The following PARG variants were observed in gnomAD, a reference collection of about 807,000 sequenced individuals.
PARG encodes the protein poly(ADP-ribose) glycohydrolase, also known as mitochondrial poly(ADP-ribose) glycohydrolase.
PARG carries 35 observed loss-of-function variants against 113.0 expected under a neutral mutation model. That is an observed-to-expected ratio of 0.31 (90% CI 0.24 to 0.41). The LOEUF (loss-of-function observed/expected upper bound fraction) is 0.41, where lower values mean the gene tolerates loss of function less well. Ranked by LOEUF, PARG falls within the 10% of genes least tolerant of loss-of-function variation. PARG has a pLI of 1.00. For missense variants in PARG, 797 were observed against 1,169.4 expected (o/e 0.68, Z 4.64); for synonymous variants, 330 against 409.9 (o/e 0.81, Z 2.36).
chr10:49,850,606 G>A (rs1334650123), intron 13 of PARG, among the ~76,000 whole-genome samples: 4 of 152,192 alleles, frequency 2.6e-5, no homozygotes, highest in African/African-American at 9.7e-5. Context: ...CGGTAGACAA[G>A]CCTCGTTTTT....
chr10:49,920,451 T>TAAAAAAAAAAAAAAAAAA (rs781928566), intron 6 of PARG, among the ~76,000 whole-genome samples: 2 of 39,892 alleles, frequency 5.0e-5, no homozygotes, highest in Non-Finnish European at 8.8e-5. Context: ...AGCCTCAAAT[T>TAAAAAAAAAAAAAAAAAA]AAAAAAAAAA....
chr10:49,889,329 T>C (rs2664499), intron 7 of PARG, among the ~76,000 whole-genome samples: 1 of 152,334 alleles, frequency 6.6e-6, no homozygotes, highest in South Asian at 2.1e-4. Flanking sequence ...CAGAGCAGGC[T>C]TTCTGTGATA....
intron 15 of PARG, among the ~76,000 whole-genome samples, chr10:49,840,653 A>T (rs569756439): frequency 6.8e-4 from 103 of 152,342 alleles, no homozygotes; most frequent in African/African-American, 2.4e-3. Flanking sequence ...AAAATAATTT[A>T]AAAAATTATA....
intron 13 of PARG, among the ~76,000 whole-genome samples, chr10:49,852,404 T>C (rs531996533): frequency 7.3e-5 from 11 of 151,514 alleles, no homozygotes; most frequent in African/African-American, 2.4e-4. Context: ...TAAAAGGAGA[T>C]TAGAATCCTT....
At chr10:49,880,634 C>G (rs1847168295) in intron 8 of PARG, among the ~76,000 whole-genome samples, 1 of 152,082 alleles carries the variant, frequency 6.6e-6, no homozygotes. Flanking sequence ...TGAATGAACC[C>G]CTCCTCTCGA....
intron 7 of PARG, among the ~76,000 whole-genome samples, chr10:49,885,698 G>A (rs1221166647): frequency 6.6e-6 from 1 of 152,152 alleles, no homozygotes; most frequent in Non-Finnish European, 1.5e-5. Flanking sequence ...GACCCATCTA[G>A]TTTCAATGGT....
chr10:49,864,971 C>T (rs1342612900), intron 11 of PARG, among the ~76,000 whole-genome samples: 2 of 146,552 alleles, frequency 1.4e-5, no homozygotes, highest in African/African-American at 5.0e-5. Flanking sequence ...AAAGTTCAAA[C>T]ACTAACCAAA....
At chr10:49,897,622 T>G (rs1204371576) in intron 7 of PARG, among the ~76,000 whole-genome samples, 3 of 152,242 alleles carry the variant, frequency 2.0e-5, no homozygotes, top group Admixed American at 1.3e-4. Flanking sequence ...AAACATTGCA[T>G]TTTATCTTCA....
chr10:49,886,584 AT>A (rs1315441582), intron 7 of PARG, among the ~76,000 whole-genome samples: 1 of 152,256 alleles, frequency 6.6e-6, no homozygotes, highest in African/African-American at 2.4e-5. Context: ...ACAAAAGACA[AT>A]TATTAATTCT....
At chr10:49,929,751 G>A (rs1264949818) in intron 4 of PARG, among the ~76,000 whole-genome samples, 1 of 151,622 alleles carries the variant, frequency 6.6e-6, no homozygotes, top group Non-Finnish European at 1.5e-5. Context: ...GCTTGAACCC[G>A]GGAGGTGGAA....
intron 7 of PARG, among the ~76,000 whole-genome samples, chr10:49,898,022 G>C (rs1395082740): frequency 1.3e-5 from 2 of 151,902 alleles, no homozygotes; most frequent in African/African-American, 4.8e-5. Context: ...AAAGACATTG[G>C]GACTAGATGC....
At chr10:49,908,227 C>T (rs544009589) in intron 7 of PARG, among the ~76,000 whole-genome samples, 1 of 152,242 alleles carries the variant, frequency 6.6e-6, no homozygotes, top group South Asian at 2.1e-4. Flanking sequence ...GTAATCTGTC[C>T]TTTGGGATAT....
chr10:49,819,393 C>T lies in PARG; in HGVS notation c.2878G>A (p.Val960Ile), dbSNP rs536338132. The T allele has an allele frequency of 1.7e-5, 27 of 1,551,598 alleles. No individual in the cohort carries two copies. In the East Asian group the frequency reaches 4.9e-4, roughly 28 times the overall value. ...TCAGCGGTCTCTGCACAGGACTCGACAGCATGGTATATGAATGGATAAAGC... is the reference window on the plus strand; with the variant it reads ...TCAGCGGTCTCTGCACAGGACTCGATAGCATGGTATATGAATGGATAAAGC... Reference protein sequence around the residue: ...IKLYPFIYHAVESCAETADHS... With the variant: ...IKLYPFIYHAIESCAETADHS... Residue 960 changes from valine to isoleucine, a missense_variant, in exon 18 of 18, where the codon GTC becomes ATC. By Grantham distance (29) the Val-to-Ile change is conservative (BLOSUM62 3). Transcript: ENST00000616448.
chr10:49,926,002 G>A (rs1484921448), intron 4 of PARG, among the ~76,000 whole-genome samples: 9 of 152,186 alleles, frequency 5.9e-5, no homozygotes, highest in East Asian at 1.9e-4. Flanking sequence ...GGGTCGGGTC[G>A]TACAATCTAA....
chr10:49,881,144 C>A (rs1383503578), intron 8 of PARG, among the ~76,000 whole-genome samples: 7 of 152,114 alleles, frequency 4.6e-5, no homozygotes, highest in African/African-American at 7.2e-5. Context: ...AATAACTGTT[C>A]CAACCAATTG....
chr10:49,819,228 G>C lies in PARG; in HGVS notation c.*112C>G, dbSNP rs934319912. Reference sequence around the variant, plus strand: ...AGAGATTGCGTCCTTGACTACAAATGTGGATTATGTACACATTTATATTAA... The same window carrying C: ...AGAGATTGCGTCCTTGACTACAAATCTGGATTATGTACACATTTATATTAA... On this transcript the variant is annotated 3_prime_UTR_variant, in exon 18 of 18. Transcript: ENST00000616448. 1.2e-6 allele frequency: 1 copy of C among 854,922 alleles called. No homozygotes were observed. The highest frequency in any genetic ancestry group is 1.8e-6 in the Non-Finnish European group (1 of 559,578). 53.0% of individuals were successfully genotyped at this position (854,922 alleles called of 1,614,324 possible). A position where few individuals can be genotyped will look rare whatever the true frequency, so the allele number is the denominator to read the frequency against.
intron 4 of PARG, 81 bp downstream of exon 4, chr10:49,932,019 G>A: frequency 1.3e-6 from 1 of 797,058 alleles, no homozygotes; most frequent in South Asian, 1.5e-5. Flanking sequence ...TCTAAGCCTT[G>A]GTCTGTTTCT....
intron 4 of PARG, among the ~76,000 whole-genome samples, chr10:49,923,400 G>A (rs1379431159): frequency 6.6e-6 from 1 of 151,924 alleles, no homozygotes; most frequent in Non-Finnish European, 1.5e-5. Context: ...TATTAACTTT[G>A]TATTCTGAAT....
At chr10:49,927,966 T>TAA (rs76592852) in intron 4 of PARG, among the ~76,000 whole-genome samples, 11 of 128,972 alleles carry the variant, frequency 8.5e-5, no homozygotes, top group South Asian at 2.5e-4. Flanking sequence ...CCTGTCTCTT[T>TAA]AAAAAAAAAA....
Sources: allele counts gnomAD v4.1 joint callset (sites outside exome capture counted in the v4.1 genomes callset), GRCh38; gene constraint gnomAD v4.1.1; transcripts MANE v1.5; gene names NCBI Gene and HGNC (gene_info 2026-07-23, HGNC 2026-07-21).